HEMK2: variants seen among roughly 807,000 people sequenced by gnomAD.
HEMK2 encodes HemK methyltransferase 2, ETF1 glutamine and histone H4 lysine, also known as methyltransferase HEMK2.
the HEMK2 span, among the ~76,000 whole-genome samples, chr21:28,595,734 T>A: frequency 6.6e-6 from 1 of 152,066 alleles, no homozygotes; most frequent in Non-Finnish European, 1.5e-5. Context: ...CTATTTTTAG[T>A]TTTTTGAGAA....
chr21:28,856,580 G>A, the HEMK2 span, among the ~76,000 whole-genome samples: 1 of 152,146 alleles, frequency 6.6e-6, no homozygotes, highest in Non-Finnish European at 1.5e-5. Flanking sequence ...ACCTTCAATT[G>A]AGGTATCCAG....
the HEMK2 span, among the ~76,000 whole-genome samples, chr21:28,732,955 T>G: frequency 7.2e-5 from 11 of 152,144 alleles, no homozygotes; most frequent in Non-Finnish European, 1.5e-4. Context: ...GGGGTCAACT[T>G]GTGCTCTACT....
chr21:28,822,229 T>C, the HEMK2 span, among the ~76,000 whole-genome samples: 1 of 152,210 alleles, frequency 6.6e-6, no homozygotes, highest in Non-Finnish European at 1.5e-5. Flanking sequence ...ATATACCATC[T>C]GGGACAAAGA....
At chr21:28,610,418 A>C in the HEMK2 span, among the ~76,000 whole-genome samples, 1 of 152,208 alleles carries the variant, frequency 6.6e-6, no homozygotes, top group African/African-American at 2.4e-5. Context: ...AAATCTTCAA[A>C]CGAATCCTTG....
At chr21:28,695,969 A>G in the HEMK2 span, among the ~76,000 whole-genome samples, 1 of 152,056 alleles carries the variant, frequency 6.6e-6, no homozygotes, top group Non-Finnish European at 1.5e-5. Flanking sequence ...GAGACTCGGT[A>G]ATTTTTATAT....
chr21:28,738,965 C>A, the HEMK2 span, among the ~76,000 whole-genome samples: 1 of 152,138 alleles, frequency 6.6e-6, no homozygotes, highest in East Asian at 1.9e-4. Context: ...AATTCTATGA[C>A]CACATTGAAA....
chr21:28,719,803 C>T, the HEMK2 span, among the ~76,000 whole-genome samples: 1 of 152,178 alleles, frequency 6.6e-6, no homozygotes, highest in African/African-American at 2.4e-5. Flanking sequence ...AGCAACTCAG[C>T]TTATTCTCAT....
chr21:28,776,395 C>A, the HEMK2 span, among the ~76,000 whole-genome samples: 27 of 152,182 alleles, frequency 1.8e-4, no homozygotes, highest in African/African-American at 5.8e-4. Flanking sequence ...TCAAAAAATT[C>A]TTGCCCCACT....
At chr21:28,833,986 A>G in the HEMK2 span, among the ~76,000 whole-genome samples, 2 of 152,222 alleles carry the variant, frequency 1.3e-5, no homozygotes, top group African/African-American at 4.8e-5. Context: ...CCAAGAACTA[A>G]GAGTATTTTT....
the HEMK2 span, among the ~76,000 whole-genome samples, chr21:28,713,855 G>T: frequency 6.6e-6 from 1 of 152,046 alleles, no homozygotes; most frequent in Non-Finnish European, 1.5e-5. Flanking sequence ...CTTGCCTCAG[G>T]TATATGGTTC....
chr21:28,606,949 G>C, the HEMK2 span, among the ~76,000 whole-genome samples: 1 of 152,194 alleles, frequency 6.6e-6, no homozygotes, highest in Non-Finnish European at 1.5e-5. Flanking sequence ...ACTGGGGAAA[G>C]TATGACATAT....
the HEMK2 span, among the ~76,000 whole-genome samples, chr21:28,720,629 AG>A: frequency 6.6e-6 from 1 of 152,164 alleles, no homozygotes; most frequent in South Asian, 2.1e-4. Context: ...GCAACTCAGG[AG>A]GCTGAGGCAG....
chr21:28,742,258 T>C, the HEMK2 span, among the ~76,000 whole-genome samples: 1 of 152,236 alleles, frequency 6.6e-6, no homozygotes, highest in Non-Finnish European at 1.5e-5. Context: ...TTTAGAGTTT[T>C]ACATTTGCTG....
the HEMK2 span, among the ~76,000 whole-genome samples, chr21:28,716,240 C>A: frequency 7.2e-5 from 11 of 152,060 alleles, 1 homozygote; most frequent in Non-Finnish European, 1.2e-4. Context: ...GGCTGTTTTA[C>A]TAATAATCTT....
the HEMK2 span, among the ~76,000 whole-genome samples, chr21:28,747,133 G>A: frequency 6.6e-6 from 1 of 152,196 alleles, no homozygotes; most frequent in East Asian, 1.9e-4. Flanking sequence ...AGGTGTACCT[G>A]ATGTTTTCAA....
chr21:28,619,271 A>G, the HEMK2 span, among the ~76,000 whole-genome samples: 2 of 152,194 alleles, frequency 1.3e-5, no homozygotes, highest in Admixed American at 1.3e-4. Flanking sequence ...AAACTAATAC[A>G]CTGGCTTATA....
the HEMK2 span, among the ~76,000 whole-genome samples, chr21:28,775,517 T>C: frequency 6.6e-6 from 1 of 152,132 alleles, no homozygotes; most frequent in Non-Finnish European, 1.5e-5. Flanking sequence ...GCTTTAGCCA[T>C]AGCCATGAAT....
At chr21:28,679,339 G>C in the HEMK2 span, among the ~76,000 whole-genome samples, 1 of 152,138 alleles carries the variant, frequency 6.6e-6, no homozygotes, top group Non-Finnish European at 1.5e-5. Context: ...AACAAGAAGA[G>C]TTAACTATTC....
the HEMK2 span, among the ~76,000 whole-genome samples, chr21:28,871,012 TG>T: frequency 6.6e-6 from 1 of 152,234 alleles, no homozygotes; most frequent in South Asian, 2.1e-4. Context: ...TTTGCCTTTT[TG>T]GTCTCCTTGA....
Sources: gnomAD v4.1 joint callset for allele counts (sites outside exome capture counted in the v4.1 genomes callset) on GRCh38, gnomAD v4.1.1 for gene constraint, MANE v1.5 for transcripts, NCBI Gene and HGNC (gene_info 2026-07-23, HGNC 2026-07-21) for gene names.